The following NCK1 variants were observed in gnomAD, a reference collection of about 807,000 sequenced individuals.
NCK1 encodes NCK adaptor protein 1.
A neutral mutation model predicts 36.6 loss-of-function variants in NCK1; 19 were observed. That is an observed-to-expected ratio of 0.52 (90% CI 0.36 to 0.76). The LOEUF is 0.76. NCK1 is among the 30% of genes least tolerant of loss of function. NCK1 has a pLI of 0.00. For missense variants in NCK1, 358 were observed against 445.6 expected, an observed-to-expected ratio of 0.80 and a Z score of 1.77; for synonymous variants, 165 against 156.0, an observed-to-expected ratio of 1.06 and a Z score of -0.43.
At chr3:136,888,021 TG>T (rs1939120390) in intron 1 of NCK1, among the ~76,000 whole-genome samples, 1 of 151,856 alleles carries the variant, frequency 6.6e-6, no homozygotes, top group African/African-American at 2.4e-5. Flanking sequence ...CTCTGCTCAC[TG>T]TAACCTCCGA....
At chr3:136,941,022 T>C (rs1940657739) in intron 2 of NCK1, among the ~76,000 whole-genome samples, 1 of 152,160 alleles carries the variant, frequency 6.6e-6, no homozygotes, top group African/African-American at 2.4e-5. Flanking sequence ...TAAAGTTATA[T>C]CTGATAAGGA....
At chr3:136,874,882 GAA>G (rs1256404200) in intron 1 of NCK1, among the ~76,000 whole-genome samples, 1 of 152,122 alleles carries the variant, frequency 6.6e-6, no homozygotes, top group Non-Finnish European at 1.5e-5. Flanking sequence ...TCAGAATTCT[GAA>G]GGCCTTGCTG....
intron 1 of NCK1, among the ~76,000 whole-genome samples, chr3:136,904,446 C>G (rs1939628640): frequency 6.6e-6 from 1 of 152,178 alleles, no homozygotes; most frequent in African/African-American, 2.4e-5. Context: ...AGCCACCGTA[C>G]CTGGCCTTCT....
chr3:136,865,429 G>C (rs1245278827), intron 1 of NCK1, among the ~76,000 whole-genome samples: 1 of 152,060 alleles, frequency 6.6e-6, no homozygotes, highest in Non-Finnish European at 1.5e-5. Context: ...CATTTTCATT[G>C]CTTTGTACTT....
chr3:136,948,568 G>T lies in NCK1; in HGVS notation c.*115G>T. 1 of 842,840 alleles carries T rather than the reference G, an allele frequency of 1.2e-6. No homozygotes were observed. 52.2% of individuals were successfully genotyped at this position (842,840 alleles called of 1,614,324 possible). On this transcript the variant is annotated 3_prime_UTR_variant, in exon 4 of 4. Coordinates refer to ENST00000481752, the MANE Select transcript of NCK1 (RefSeq NM_001291999.2). ...GAAATTGTTGTTTCTAAATCTATATGAGAATTGACAATAAGTATTTTTATT... is the reference window on the plus strand; with the variant it reads ...GAAATTGTTGTTTCTAAATCTATATTAGAATTGACAATAAGTATTTTTATT...
intron 1 of NCK1, among the ~76,000 whole-genome samples, chr3:136,922,627 C>T (rs1414193458): frequency 6.6e-6 from 1 of 152,158 alleles, no homozygotes; most frequent in Non-Finnish European, 1.5e-5. Flanking sequence ...CAAATTACAA[C>T]TCTGAAATAC....
intron 1 of NCK1, among the ~76,000 whole-genome samples, chr3:136,881,124 C>G (rs971967279): frequency 6.6e-6 from 1 of 152,158 alleles, no homozygotes; most frequent in African/African-American, 2.4e-5. Flanking sequence ...TTTTCTACCT[C>G]CAAATACATC....
At chr3:136,864,915 G>A (rs1349697765) in intron 1 of NCK1, among the ~76,000 whole-genome samples, 1 of 148,154 alleles carries the variant, frequency 6.7e-6, no homozygotes, top group Admixed American at 6.7e-5. Flanking sequence ...GTGCCACCAT[G>A]CCTAGCTAAT....
rs979467407 is a variant in NCK1 at position 136,949,116 on chromosome 3, A to T, written c.*663A>T. 2 of 152,220 alleles carry T rather than the reference A, an allele frequency of 1.3e-5. No individual in the cohort carries two copies. Among genetic ancestry groups the T allele is most frequent in the African/African-American group, 2.4e-5 (1 of 41,418 alleles). The allele number at this position is 152,220 out of a possible 1,614,324, so 9.4% of individuals were successfully genotyped here. On this transcript the variant is annotated 3_prime_UTR_variant, in exon 4 of 4. Transcript: ENST00000481752. ...AACTGTTGGAAATAAAAATCACTTAATTTTTTTCCAGTGCTTCTCCCTCAT... is the reference window on the plus strand; with the variant it reads ...AACTGTTGGAAATAAAAATCACTTATTTTTTTTCCAGTGCTTCTCCCTCAT...
chr3:136,891,225 C>T (rs544923409), intron 1 of NCK1, among the ~76,000 whole-genome samples: 1 of 152,314 alleles, frequency 6.6e-6, no homozygotes, highest in African/African-American at 2.4e-5. Flanking sequence ...ACCTCCGCCT[C>T]CTGGGTTCAA....
At chr3:136,874,402 A>G (rs1011021426) in intron 1 of NCK1, among the ~76,000 whole-genome samples, 1 of 152,206 alleles carries the variant, frequency 6.6e-6, no homozygotes, top group African/African-American at 2.4e-5. Flanking sequence ...CTGGTCTCGA[A>G]GTCCTGACCT....
intron 1 of NCK1, among the ~76,000 whole-genome samples, chr3:136,883,612 C>G (rs1038184931): frequency 6.6e-6 from 1 of 152,118 alleles, no homozygotes; most frequent in African/African-American, 2.4e-5. Flanking sequence ...AGGTGTCTGT[C>G]GTGCTCACTG....
intron 2 of NCK1, chr3:136,928,709 T>C (rs1940312307): frequency 6.5e-6 from 1 of 153,638 alleles, no homozygotes; most frequent in Non-Finnish European, 1.4e-5. Context: ...TTTTCTATTT[T>C]GTTTCTCTTT....
chr3:136,937,522 T>C (rs1940561112), intron 2 of NCK1, among the ~76,000 whole-genome samples: 1 of 152,222 alleles, frequency 6.6e-6, no homozygotes, highest in African/African-American at 2.4e-5. Context: ...GGTTGAACTT[T>C]AGTAAGAATT....
intron 1 of NCK1, among the ~76,000 whole-genome samples, chr3:136,877,726 T>C (rs1357069449): frequency 6.6e-6 from 1 of 152,188 alleles, no homozygotes; most frequent in Non-Finnish European, 1.5e-5. Context: ...GGGAAACTTC[T>C]TAGTGGACTT....
Position 136,949,456 on chromosome 3 carries a change from C to T in NCK1, c.*1003C>T, listed in dbSNP as rs1940917597. The T allele has an allele frequency of 6.6e-6, 1 of 151,746 alleles. No individual in the cohort carries two copies. Among genetic ancestry groups the T allele is most frequent in the Non-Finnish European group, 1.5e-5 (1 of 67,856 alleles). The allele number at this position is 151,746 out of a possible 1,614,324, so 9.4% of individuals were successfully genotyped here. A position where few individuals can be genotyped will look rare whatever the true frequency, so the allele number is the denominator to read the frequency against. ...TTGGGACACTAAAACTGATGTATACCTGAGGAAAAAATAGAATGTGCTCAT... is the reference window on the plus strand; with the variant it reads ...TTGGGACACTAAAACTGATGTATACTTGAGGAAAAAATAGAATGTGCTCAT... On this transcript the variant is annotated 3_prime_UTR_variant, in exon 4 of 4. Coordinates refer to ENST00000481752, the MANE Select transcript of NCK1 (RefSeq NM_001291999.2).
At chr3:136,946,317 A>G (rs1940823048) in intron 3 of NCK1, 22 bp downstream of exon 3, 1 of 1,570,306 alleles carries the variant, frequency 6.4e-7, no homozygotes, top group Non-Finnish European at 8.7e-7. Context: ...TTCGGAGGTA[A>G]ATACAAATAG....
chr3:136,916,872 T>G (rs966617142), intron 1 of NCK1, among the ~76,000 whole-genome samples: 2 of 152,326 alleles, frequency 1.3e-5, no homozygotes, highest in East Asian at 3.9e-4. Context: ...GAGGTTGGTA[T>G]GACAGGCCCT....
At chr3:136,903,581 C>T (rs992561626) in intron 1 of NCK1, among the ~76,000 whole-genome samples, 9 of 151,994 alleles carry the variant, frequency 5.9e-5, no homozygotes, top group Non-Finnish European at 8.8e-5. Context: ...CCTGCCACCA[C>T]GCCTGGCTAA....
Sources: gnomAD v4.1 joint callset for allele counts (sites outside exome capture counted in the v4.1 genomes callset) on GRCh38, gnomAD v4.1.1 for gene constraint, MANE v1.5 for transcripts, NCBI Gene and HGNC (gene_info 2026-07-23, HGNC 2026-07-21) for gene names.